Variants in DLGAP3 observed in about 807,000 individuals in gnomAD.
DLGAP3 encodes DLG associated protein 3.
In DLGAP3, 17 loss-of-function variants were observed where a neutral mutation model predicts 81.2. The ratio of observed to expected loss-of-function variants is 0.21; its 90% CI spans 0.14 to 0.31. DLGAP3 has a LOEUF of 0.31. DLGAP3 is among the 10% of genes least tolerant of loss of function. DLGAP3 has a pLI of 1.00. For synonymous variants in DLGAP3, 577 were observed against 587.4 expected (o/e 0.98, Z 0.26); for missense variants, 1,124 against 1,388.0 (o/e 0.81, Z 3.02).
chr1:34,924,643 A>G (rs1639842123), intron 1 of DLGAP3, among the ~76,000 whole-genome samples: 1 of 152,180 alleles, frequency 6.6e-6, no homozygotes, highest in Non-Finnish European at 1.5e-5. Context: ...GGCTGGTATC[A>G]ATATCTCTGA....
intron 1 of DLGAP3, among the ~76,000 whole-genome samples, chr1:34,916,397 G>T (rs977049943): frequency 2.0e-5 from 3 of 152,218 alleles, no homozygotes; most frequent in African/African-American, 7.2e-5. Context: ...TGAAGTCTAA[G>T]GTTAGGCTCC....
chr1:34,882,454 G>T (rs1281520062), intron 8 of DLGAP3, among the ~76,000 whole-genome samples: 2 of 152,068 alleles, frequency 1.3e-5, no homozygotes, highest in Non-Finnish European at 2.9e-5. Context: ...CTCCAGCCTG[G>T]ACGACAAGAG....
rs554964356 is a variant in DLGAP3, at chr1:34,922,374, G to A, written c.-135+7077C>T. Among the ~76,000 whole-genome samples, 77 of 152,172 alleles carry A rather than the reference G, an allele frequency of 5.1e-4. No homozygotes were observed. The South Asian group carries it at 0.014, about 28-fold the overall frequency. On this transcript the variant is annotated intron_variant, in intron 1 of 11. Coordinates refer to ENST00000373347, the MANE Select transcript of DLGAP3 (RefSeq NM_001080418.3). ...GGTAGCCCAATGTTCAGTCAGAATC[G>A]GTCTCTCTCTTTCTTACATTTATTC...
chr1:34,892,246 A>C (rs1294104174), intron 5 of DLGAP3, among the ~76,000 whole-genome samples: 1 of 152,240 alleles, frequency 6.6e-6, no homozygotes, highest in Non-Finnish European at 1.5e-5. Flanking sequence ...AGAGGAGCTC[A>C]CCATAATAAA....
chr1:34,914,611 G>C (rs1221026794), intron 1 of DLGAP3, among the ~76,000 whole-genome samples: 1 of 152,198 alleles, frequency 6.6e-6, no homozygotes, highest in African/African-American at 2.4e-5. Context: ...CTCAAGTTCA[G>C]TTTCCCCATT....
chr1:34,883,372 C>T (rs1408583468), intron 8 of DLGAP3, among the ~76,000 whole-genome samples: 1 of 152,180 alleles, frequency 6.6e-6, no homozygotes. Flanking sequence ...AGCACTCTTC[C>T]CAGGATTCAA....
intron 5 of DLGAP3, among the ~76,000 whole-genome samples, chr1:34,892,055 A>G (rs937396738): frequency 3.3e-5 from 5 of 152,258 alleles, no homozygotes; most frequent in African/African-American, 1.2e-4. Context: ...GACAAAGACT[A>G]CAAGGCAGCT....
chr1:34,865,540 A>C lies in DLGAP3; in HGVS notation c.*543T>G. On this transcript the variant is annotated 3_prime_UTR_variant, in exon 12 of 12. Transcript: ENST00000373347. ...CATCTCCCCTCCCCAGCCGCTGGGA[A>C]AGGGGAGAGGCCCAGGCGCCCTGGT... 5.9e-6 allele frequency: 1 copy of C among 168,756 alleles called. No individual in the cohort carries two copies. Among genetic ancestry groups the C allele is most frequent in the Non-Finnish European group, 1.3e-5 (1 of 77,722 alleles). 10.5% of individuals were successfully genotyped at this position (168,756 alleles called of 1,614,324 possible). A position where few individuals can be genotyped will look rare whatever the true frequency, so the allele number is the denominator to read the frequency against.
At chr1:34,866,732 G>A (rs1394745600) in intron 11 of DLGAP3, among the ~76,000 whole-genome samples, 3 of 151,938 alleles carry the variant, frequency 2.0e-5, no homozygotes, top group Non-Finnish European at 4.4e-5. Context: ...ACTGAGGACA[G>A]TCTGTCCTTC....
At chr1:34,907,479 G>C (rs1487745402) in intron 1 of DLGAP3, 42 bp from the exon 2 acceptor site, 1 of 152,522 alleles carries the variant, frequency 6.6e-6, no homozygotes, top group African/African-American at 2.4e-5. Flanking sequence ...GGGGAGAGAC[G>C]TTTTCCCACA....
intron 5 of DLGAP3, 114 bp downstream of exon 5, chr1:34,899,555 A>G (rs1639423797): frequency 1.0e-6 from 1 of 961,070 alleles, no homozygotes. Context: ...GTTTCCCCAG[A>G]GCCAGGCCTG....
In DLGAP3 at chr1:34,900,227, C is replaced by T; in HGVS notation, c.1154G>A (p.Gly385Glu). The T allele has an allele frequency of 1.2e-6, 2 of 1,614,114 alleles. No individual in the cohort carries two copies. Among genetic ancestry groups the T allele is most frequent in the Non-Finnish European group, 1.7e-6 (2 of 1,180,030 alleles). Residue 385 changes from glycine (G) to glutamate (E), a missense_variant, in exon 4 of 12, where the codon GGG becomes GAG. Physicochemically the swap from Gly to Glu is moderately conservative, Grantham distance 98 (BLOSUM62 -2). Around this residue, in one of 9 missense-constraint regions of DLGAP3, gnomAD observed 357 missense variants for 408.8 expected, o/e 0.87. Coordinates refer to ENST00000373347, the MANE Select transcript of DLGAP3 (RefSeq NM_001080418.3). This position sits in a 1 kb window ranked among gnomAD's most constrained non-coding sequence, Gnocchi z 5.6. ...WGGYPTGGKD[G>E]EIPCRRMRSG... ...CCGCATCCTGCGGCAGGGGATCTCC[C>T]CATCCTTGCCACCGGTGGGGTAACC...
intron 8 of DLGAP3, among the ~76,000 whole-genome samples, chr1:34,869,615 G>A (rs180876385): frequency 1.5e-3 from 216 of 148,696 alleles, no homozygotes; most frequent in African/African-American, 5.1e-3. Flanking sequence ...TCAGCCTCCC[G>A]AGTAACTGGG....
chr1:34,906,512 C>A (rs1401625827), intron 2 of DLGAP3, among the ~76,000 whole-genome samples: 1 of 152,172 alleles, frequency 6.6e-6, no homozygotes, highest in East Asian at 1.9e-4. Flanking sequence ...CCCCTGTGGA[C>A]TGAAATAAGG....
intron 1 of DLGAP3, among the ~76,000 whole-genome samples, chr1:34,912,744 C>G (rs1639657025): frequency 6.6e-6 from 1 of 152,186 alleles, no homozygotes; most frequent in Non-Finnish European, 1.5e-5. Context: ...CTGTGTTAAC[C>G]AACCAGTATA....
chr1:34,882,214 C>T (rs1639156112), intron 8 of DLGAP3, among the ~76,000 whole-genome samples: 2 of 152,182 alleles, frequency 1.3e-5, no homozygotes, highest in South Asian at 2.1e-4. Flanking sequence ...TGGTAGCTCA[C>T]GCCTGTAATC....
chr1:34,908,132 C>A (rs907347965), intron 1 of DLGAP3, among the ~76,000 whole-genome samples: 2 of 152,234 alleles, frequency 1.3e-5, no homozygotes, highest in Non-Finnish European at 2.9e-5. Flanking sequence ...ATGTGGTCTT[C>A]TTCAGAATAG....
intron 5 of DLGAP3, among the ~76,000 whole-genome samples, chr1:34,892,938 C>T (rs982247195): frequency 1.3e-5 from 2 of 151,190 alleles, no homozygotes; most frequent in Admixed American, 6.6e-5. Context: ...TTTGGGAGGC[C>T]GAGGTGGGTG....
intron 8 of DLGAP3, among the ~76,000 whole-genome samples, chr1:34,881,521 A>C (rs1639144567): frequency 6.6e-6 from 1 of 152,118 alleles, no homozygotes; most frequent in African/African-American, 2.4e-5. Context: ...GCTTGAACTT[A>C]AGGTCCCTAG....
Sources: allele counts gnomAD v4.1 joint callset (sites outside exome capture counted in the v4.1 genomes callset), GRCh38; gene constraint gnomAD v4.1.1; regional missense constraint gnomAD v4.1.1; non-coding constraint Gnocchi (gnomAD v3.1); transcripts MANE v1.5; gene names NCBI Gene and HGNC (gene_info 2026-07-23, HGNC 2026-07-21).